CDH13: variants seen among roughly 807,000 people sequenced by gnomAD.
The protein encoded by CDH13 is cadherin 13, also known as cadherin-13.
CDH13 carries 24 observed loss-of-function variants against 63.8 expected under a neutral mutation model. The ratio of observed to expected loss-of-function variants is 0.38; its 90% CI spans 0.27 to 0.53. The LOEUF is 0.53. CDH13 is among the 20% of genes least tolerant of loss of function. The pLI, the probability that CDH13 is intolerant of heterozygous loss-of-function variation, is 0.85. For synonymous variants in CDH13, 503 were observed against 355.3 expected (o/e 1.42, Z -4.67); for missense variants, 1,049 against 903.1 (o/e 1.16, Z -2.07).
At chr16:83,767,164 G>A (rs1914446590) in intron 11 of CDH13, among the ~76,000 whole-genome samples, 1 of 151,974 alleles carries the variant, frequency 6.6e-6, no homozygotes, top group Admixed American at 6.6e-5. Context: ...TGTCTTACTG[G>A]TCTAGAAATT....
intron 10 of CDH13, among the ~76,000 whole-genome samples, chr16:83,706,624 A>C (rs1366093414): frequency 1.3e-5 from 2 of 152,194 alleles, no homozygotes; most frequent in African/African-American, 4.8e-5. Context: ...CAGGCTATAC[A>C]ATCATTTCTT....
chr16:83,727,402 A>G (rs1193621787), intron 10 of CDH13, among the ~76,000 whole-genome samples: 2 of 152,010 alleles, frequency 1.3e-5, no homozygotes, highest in African/African-American at 4.8e-5. Flanking sequence ...GTTTTCAAAC[A>G]TGTGGAAACG....
chr16:83,484,260 A>G (rs1022399729), intron 6 of CDH13, among the ~76,000 whole-genome samples: 3 of 152,236 alleles, frequency 2.0e-5, no homozygotes, highest in African/African-American at 7.2e-5. Context: ...TGGTAAAACC[A>G]GATGAATTCT....
intron 3 of CDH13, among the ~76,000 whole-genome samples, chr16:83,066,007 C>G (rs560372115): frequency 6.6e-6 from 1 of 152,310 alleles, no homozygotes; most frequent in Non-Finnish European, 1.5e-5. Flanking sequence ...CTGTGTGTTA[C>G]TGTAAAGCTT....
chr16:82,989,448 G>A (rs1019188313), intron 2 of CDH13, among the ~76,000 whole-genome samples: 1 of 152,178 alleles, frequency 6.6e-6, no homozygotes, highest in Non-Finnish European at 1.5e-5. Context: ...CATGTCCCAG[G>A]AATATCAGGA....
At chr16:82,668,964 G>A (rs1912923969) in intron 1 of CDH13, among the ~76,000 whole-genome samples, 1 of 152,294 alleles carries the variant, frequency 6.6e-6, no homozygotes, top group South Asian at 2.1e-4. Flanking sequence ...ATTCTAGGGG[G>A]CTGCCCCGGT....
chr16:83,052,801 AAAAG>A (rs1555571696), intron 3 of CDH13, among the ~76,000 whole-genome samples: 1 of 122,658 alleles, frequency 8.2e-6, no homozygotes, highest in Admixed American at 9.4e-5. Flanking sequence ...AAAAAAAAAA[AAAAG>A]AAAGAAATTA....
intron 12 of CDH13, among the ~76,000 whole-genome samples, chr16:83,780,555 T>G (rs1915446293): frequency 6.6e-6 from 1 of 152,212 alleles, no homozygotes; most frequent in Non-Finnish European, 1.5e-5. Context: ...CTGCAGGTTT[T>G]TACATACATA....
At chr16:83,665,567 T>G (rs1913871227) in intron 8 of CDH13, among the ~76,000 whole-genome samples, 1 of 152,218 alleles carries the variant, frequency 6.6e-6, no homozygotes, top group Non-Finnish European at 1.5e-5. Flanking sequence ...TAGAAATTAG[T>G]GAGACCCTAT....
chr16:82,722,759 T>A (rs1011465633), intron 1 of CDH13, among the ~76,000 whole-genome samples: 3 of 152,076 alleles, frequency 2.0e-5, no homozygotes, highest in African/African-American at 7.2e-5. Context: ...AGTGAATAAT[T>A]CAGTTCCTAT....
At chr16:82,827,221 G>T (rs1220851652) in intron 1 of CDH13, among the ~76,000 whole-genome samples, 2 of 152,188 alleles carry the variant, frequency 1.3e-5, no homozygotes, top group Non-Finnish European at 2.9e-5. Flanking sequence ...TAATTTCCCA[G>T]ACAGAGAGAG....
chr16:83,579,443 A>G (rs752884841), intron 7 of CDH13, among the ~76,000 whole-genome samples: 8 of 152,152 alleles, frequency 5.3e-5, no homozygotes, highest in Non-Finnish European at 5.9e-5. Context: ...AAGGGGAAGT[A>G]GGTATGTCTT....
Position 82,876,587 on chromosome 16 carries a change from C to T in CDH13, c.157+18114C>T, listed in dbSNP as rs146380260. Among the ~76,000 whole-genome samples the T allele has an allele frequency of 3.1e-3, 467 of 152,320 alleles. 2 individuals are homozygous for T. Among genetic ancestry groups the T allele is most frequent in the African/African-American group, 0.01 (417 of 41,576 alleles). The stretch of plus-strand genomic sequence containing the variant: ...CATTGCTTTCAACTTCTGTACTCGT[C>T]ATGGGCCCCTAACAAGAGGTTGGGC... On this transcript the variant is annotated intron_variant, in intron 2 of 13. Transcript: ENST00000567109.
At chr16:82,846,812 A>G (rs763982805) in intron 1 of CDH13, among the ~76,000 whole-genome samples, 1 of 152,232 alleles carries the variant, frequency 6.6e-6, no homozygotes, top group Non-Finnish European at 1.5e-5. Flanking sequence ...TCAATTTTAA[A>G]ATGAACCTGA....
intron 1 of CDH13, among the ~76,000 whole-genome samples, chr16:82,802,390 G>C (rs1226882705): frequency 6.6e-6 from 1 of 152,122 alleles, no homozygotes; most frequent in African/African-American, 2.4e-5. Flanking sequence ...GCTCTTTTCT[G>C]CTTCGCCTGG....
At chr16:82,886,206 C>A (rs2040881628) in intron 2 of CDH13, among the ~76,000 whole-genome samples, 1 of 152,128 alleles carries the variant, frequency 6.6e-6, no homozygotes, top group Admixed American at 6.5e-5. Flanking sequence ...TATCAAATTT[C>A]TGTTGTTATT....
At position 82,644,203 on chromosome 16, in the gene CDH13, C is replaced by A. The variant is rs546044824; in HGVS notation, c.45+17066C>A. On this transcript the variant is annotated intron_variant, in intron 1 of 13. Transcript: ENST00000567109. The surrounding 1 kb of genome is among the most constrained non-coding windows in gnomAD (Gnocchi z 5.7). ...AATGTTTGGCACCCTTTGGCTGGTG[C>A]GGCTGAAGAATTCAATAGCCTAGTA... is the stretch of plus-strand genomic sequence containing the variant. Among the ~76,000 whole-genome samples the A allele has an allele frequency of 6.6e-6, 1 of 152,080 alleles. No individual in the cohort carries two copies. Among genetic ancestry groups the A allele is most frequent in the Non-Finnish European group, 1.5e-5 (1 of 68,030 alleles).
intron 6 of CDH13, among the ~76,000 whole-genome samples, chr16:83,362,835 GC>G (rs1457918761): frequency 1.3e-5 from 2 of 152,198 alleles, no homozygotes; most frequent in Non-Finnish European, 2.9e-5. Flanking sequence ...CCAAGGCTGT[GC>G]ATATAAATAG....
At chr16:82,847,328 G>C (rs1333185340) in intron 1 of CDH13, among the ~76,000 whole-genome samples, 1 of 152,196 alleles carries the variant, frequency 6.6e-6, no homozygotes, top group East Asian at 1.9e-4. Context: ...AAATCAAGGT[G>C]TTGGCAGCGA....
Sources: gnomAD v4.1 joint callset for allele counts (sites outside exome capture counted in the v4.1 genomes callset) on GRCh38, gnomAD v4.1.1 for gene constraint, Gnocchi (gnomAD v3.1) non-coding constraint, MANE v1.5 for transcripts, NCBI Gene and HGNC (gene_info 2026-07-23, HGNC 2026-07-21) for gene names.